The following DLC1 variants were observed in gnomAD, a reference collection of about 807,000 sequenced individuals.
DLC1 encodes rho GTPase-activating protein 7.
In DLC1, 54 loss-of-function variants were observed where a neutral mutation model predicts 140.3. The ratio of observed to expected loss-of-function variants is 0.38; its 90% CI spans 0.31 to 0.48. The LOEUF (loss-of-function observed/expected upper bound fraction) is 0.48, where lower values mean the gene tolerates loss of function less well. Ranked by LOEUF, DLC1 falls within the 20% of genes least tolerant of loss-of-function variation. The pLI, the probability that DLC1 is intolerant of heterozygous loss-of-function variation, is 0.96. For missense variants in DLC1, 2,536 were observed against 1,907.0 expected (o/e 1.33, Z -6.14); for synonymous variants, 986 against 728.1 (o/e 1.35, Z -5.70).
intron 4 of DLC1, among the ~76,000 whole-genome samples, chr8:13,360,670 A>G (rs765535391): frequency 6.6e-6 from 1 of 151,536 alleles, no homozygotes; most frequent in African/African-American, 2.4e-5. Flanking sequence ...GCATAGTGTG[A>G]TTTTTTTTTC....
chr8:13,094,215 G>A (rs968197150), intron 12 of DLC1, among the ~76,000 whole-genome samples: 17 of 152,238 alleles, frequency 1.1e-4, no homozygotes, highest in African/African-American at 2.9e-4. Context: ...CATTTTGCAC[G>A]TAAAAACGTA....
At chr8:13,266,387 A>G (rs1232090371) in intron 5 of DLC1, among the ~76,000 whole-genome samples, 1 of 152,118 alleles carries the variant, frequency 6.6e-6, no homozygotes, top group Non-Finnish European at 1.5e-5. Context: ...ATAAAGAAAA[A>G]GGCCTAGTTT....
At chr8:13,449,683 T>TG (rs1798953458) in intron 2 of DLC1, among the ~76,000 whole-genome samples, 1 of 100,800 alleles carries the variant, frequency 9.9e-6, no homozygotes, top group Admixed American at 1.1e-4. Flanking sequence ...GGTGGGGGGA[T>TG]GGGGGAGGGA....
chr8:13,343,782 T>A (rs1834183547), intron 4 of DLC1, among the ~76,000 whole-genome samples: 1 of 152,226 alleles, frequency 6.6e-6, no homozygotes. Flanking sequence ...TTAAGGCCTT[T>A]GGTTCAATTG....
intron 4 of DLC1, among the ~76,000 whole-genome samples, chr8:13,388,267 AC>A (rs1270129284): frequency 6.6e-6 from 1 of 151,978 alleles, no homozygotes; most frequent in Admixed American, 6.6e-5. Context: ...TGCTACCATT[AC>A]TTTTTCAGTG....
At chr8:13,234,212 T>C (rs1285019220) in intron 5 of DLC1, among the ~76,000 whole-genome samples, 1 of 152,156 alleles carries the variant, frequency 6.6e-6, no homozygotes, top group African/African-American at 2.4e-5. Flanking sequence ...GGGAATGCAT[T>C]GCATTCTCAA....
At chr8:13,316,725 C>A (rs1443201138) in intron 4 of DLC1, among the ~76,000 whole-genome samples, 1 of 152,130 alleles carries the variant, frequency 6.6e-6, no homozygotes, top group Non-Finnish European at 1.5e-5. Context: ...CAGATTTTCT[C>A]CTCTCTGGGT....
rs564960024 is a variant in DLC1 at position 13,133,586 on chromosome 8, T to C, written c.1349-17929A>G. 5.3e-3 allele frequency: 671 copies of C among 127,684 alleles called. 3 individuals carry two copies. Among genetic ancestry groups the C allele is most frequent in the Middle Eastern group, 9.3e-3 (2 of 214 alleles). The allele number at this position is 127,684 out of a possible 1,614,324, so 7.9% of individuals were successfully genotyped here. On this transcript the variant is annotated intron_variant, in intron 5 of 17. Transcript: ENST00000276297. ...GCGCCTCCTCCGCCGAAGGCTGGAA[T>C]GTTTCCCCCACGGGCCTCCACGTTC...
chr8:13,561,977 GA>G (rs1333053007), intron 1 of DLC1, among the ~76,000 whole-genome samples: 1 of 151,912 alleles, frequency 6.6e-6, no homozygotes, highest in Non-Finnish European at 1.5e-5. Context: ...GAAAACACAG[GA>G]AAAAAATCAA....
intron 6 of DLC1, among the ~76,000 whole-genome samples, chr8:13,114,152 G>C (rs1468967445): frequency 6.6e-6 from 1 of 152,144 alleles, no homozygotes; most frequent in Admixed American, 6.5e-5. Flanking sequence ...ACCTGAGGTC[G>C]GGAGTTCACG....
intron 1 of DLC1, among the ~76,000 whole-genome samples, chr8:13,575,085 C>T (rs895997789): frequency 6.6e-6 from 1 of 152,264 alleles, no homozygotes; most frequent in South Asian, 2.1e-4. Context: ...GATAATTACC[C>T]TTTGGAATAG....
At chr8:13,095,469 G>A (rs75504964) in intron 10 of DLC1, 1 of 564,160 alleles carries the variant, frequency 1.8e-6, no homozygotes, top group African/African-American at 1.9e-5. Flanking sequence ...GTATTGGCCT[G>A]TGCAGATAAA....
At chr8:13,089,682 C>A (rs371346125) in intron 15 of DLC1, among the ~76,000 whole-genome samples, 1 of 152,086 alleles carries the variant, frequency 6.6e-6, no homozygotes, top group Admixed American at 6.6e-5. Context: ...TTTCCAAAGC[C>A]GGCAAGGCCA....
intron 5 of DLC1, among the ~76,000 whole-genome samples, chr8:13,160,649 G>A (rs549241776): frequency 6.6e-6 from 1 of 152,144 alleles, no homozygotes; most frequent in Non-Finnish European, 1.5e-5. Flanking sequence ...CTTCTAAACC[G>A]CAGAAAGCTT....
rs546883620 is a variant in DLC1, at chr8:13,367,953, T to A, written c.1314+25600A>T. Among the ~76,000 whole-genome samples the A allele has an allele frequency of 2.0e-5, 3 of 152,260 alleles. No individual in the cohort carries two copies. In the East Asian group the frequency reaches 5.8e-4, roughly 29 times the overall value. On this transcript the variant is annotated intron_variant, in intron 4 of 17. Coordinates refer to ENST00000276297, the MANE Select transcript of DLC1 (RefSeq NM_182643.3). ...AACATAGACTCTCTTCAAATCCCAA[T>A]TATGACCAATAATTGTGTGGGGTTT...
intron 5 of DLC1, among the ~76,000 whole-genome samples, chr8:13,240,644 G>T (rs754225132): frequency 6.6e-6 from 1 of 151,994 alleles, no homozygotes; most frequent in African/African-American, 2.4e-5. Context: ...TGTTGCCCAG[G>T]CTGGTCTCAA....
intron 2 of DLC1, among the ~76,000 whole-genome samples, chr8:13,422,429 G>C (rs1299306476): frequency 6.6e-6 from 1 of 151,672 alleles, no homozygotes; most frequent in African/African-American, 2.4e-5. Context: ...CAATGAGTAT[G>C]TTGTCTACAT....
rs145458199 is a variant in DLC1, at chr8:13,137,488, T to A, written c.1349-21831A>T. On this transcript the variant is annotated intron_variant, in intron 5 of 17. Transcript: ENST00000276297. ...TTTGTTATATGGGGGTGTTGTTACT[T>A]ATTTGTTCTCCATGGCAGATTTTTA... Among the ~76,000 whole-genome samples the A allele has an allele frequency of 5.8e-3, 879 of 152,060 alleles. 6 individuals carry two copies. The highest frequency in any genetic ancestry group is 0.01 in the Middle Eastern group (3 of 294).
chr8:13,579,024 A>G (rs980291141), intron 1 of DLC1, among the ~76,000 whole-genome samples: 5 of 151,594 alleles, frequency 3.3e-5, no homozygotes, highest in African/African-American at 1.2e-4. Context: ...CCAGAAGCCC[A>G]CAAGCAATCA....
Sources: gnomAD v4.1 joint callset for allele counts (sites outside exome capture counted in the v4.1 genomes callset) on GRCh38, gnomAD v4.1.1 for gene constraint, MANE v1.5 for transcripts, NCBI Gene and HGNC (gene_info 2026-07-23, HGNC 2026-07-21) for gene names.